USP22: variants seen among roughly 807,000 people sequenced by gnomAD.
USP22 encodes the protein ubiquitin carboxyl-terminal hydrolase 22.
USP22 carries 22 observed loss-of-function variants against 68.1 expected under a neutral mutation model. The ratio of observed to expected loss-of-function variants is 0.32; its 90% confidence interval spans 0.23 to 0.46. USP22 has a LOEUF of 0.46. Ranked by LOEUF, USP22 falls within the 20% of genes least tolerant of loss-of-function variation. The pLI, the probability that USP22 is intolerant of heterozygous loss-of-function variation, is 1.00. For missense variants in USP22, 433 were observed against 695.8 expected, an observed-to-expected ratio of 0.62 and a Z score of 4.25; for synonymous variants, 279 against 274.2, an observed-to-expected ratio of 1.02 and a Z score of -0.17.
chr17:21,008,774 A>G (rs1460816374), intron 8 of USP22, among the ~76,000 whole-genome samples: 3 of 152,092 alleles, frequency 2.0e-5, no homozygotes, highest in Non-Finnish European at 2.9e-5. Flanking sequence ...CAATGATCTC[A>G]ACATAAGCAG....
intron 1 of USP22, among the ~76,000 whole-genome samples, chr17:21,039,476 A>C (rs1234886154): frequency 6.6e-6 from 1 of 151,896 alleles, no homozygotes. Context: ...ACTTGGGAGA[A>C]TCACTTAAAC....
chr17:21,036,085 A>G (rs558545321), intron 1 of USP22, among the ~76,000 whole-genome samples: 2 of 151,846 alleles, frequency 1.3e-5, no homozygotes, highest in Non-Finnish European at 2.9e-5. Flanking sequence ...CTCAATGGAT[A>G]CAATGGATAT....
chr17:21,039,106 C>T (rs1972393983), intron 1 of USP22, among the ~76,000 whole-genome samples: 9 of 151,994 alleles, frequency 5.9e-5, no homozygotes, highest in Non-Finnish European at 2.9e-5. Flanking sequence ...CGCGTGCCAC[C>T]ATGCCCAGCT....
intron 1 of USP22, among the ~76,000 whole-genome samples, chr17:21,041,028 G>T (rs1457771931): frequency 6.6e-6 from 1 of 151,904 alleles, no homozygotes; most frequent in Non-Finnish European, 1.5e-5. Context: ...GGGATTACAG[G>T]CGCCCGCCAT....
At chr17:21,004,818 AAGC>A (rs1913728967) in intron 11 of USP22, 107 bp downstream of exon 11, 1 of 1,215,870 alleles carries the variant, frequency 8.2e-7, no homozygotes, top group Admixed American at 2.2e-5. Context: ...GCCAAGCGGG[AAGC>A]AGGTCAGTGG....
In USP22 at chr17:21,021,083, T is replaced by C. The variant is rs764961818; in HGVS notation, c.418+30A>G. On this transcript the variant is annotated intron_variant, in intron 3 of 12. Transcript: ENST00000261497. ...TGATGGACATGAGGGAACTGCAGGA[T>C]CAAGCAGGTAAACTGAGGTGGAACC... 3.2e-6 allele frequency: 5 copies of C among 1,552,318 alleles called. No homozygotes were observed. The South Asian group carries it at 5.6e-5, about 17-fold the overall frequency.
rs752336394 is a variant in USP22 at position 21,011,209 on chromosome 17, C to T, written c.1045G>A (p.Val349Met). ...WPLSPGSEGN[V>M]VNGESHVSGT... ...GACACGTGGCTTTCCCCGTTTACCA[C>T]GTTGCCCTCGCTCCCTGGGCTCAGG... Residue 349 changes from valine to methionine, a missense_variant, in exon 8 of 13, where the codon GTG becomes ATG. Around this residue, in one of 4 missense-constraint regions of USP22, gnomAD observed 178 missense variants for 351.5 expected, o/e 0.51. Transcript: ENST00000261497. 1.2e-5 allele frequency: 19 copies of T among 1,612,270 alleles called. No individual in the cohort carries two copies. Among genetic ancestry groups the T allele is most frequent in the African/African-American group, 2.7e-5 (2 of 74,874 alleles).
rs1972251094 is a variant in USP22, at chr17:21,028,576, A to G, written c.270T>C (p.Ile90=). 6.2e-7 allele frequency: 1 copy of G among 1,613,940 alleles called. No individual in the cohort carries two copies. Among genetic ancestry groups the G allele is most frequent in the African/African-American group, 1.3e-5 (1 of 74,890 alleles). Residue 90 remains isoleucine (I), a synonymous_variant, in exon 2 of 13, where the codon ATT becomes ATC. Transcript: ENST00000261497. ...GCCGCTTCGCCTTCGCATGCTCGTGAATATGCTTCTTTGTGAAACAGCCGA... is the reference window on the plus strand; with the variant it reads ...GCCGCTTCGCCTTCGCATGCTCGTGGATATGCTTCTTTGTGAAACAGCCGA... The part of the protein sequence containing the change: ...VFFGCFTKKH[I]HEHAKAKRHN...
chr17:21,012,508 A>G (rs1481243285), intron 7 of USP22, among the ~76,000 whole-genome samples: 1 of 152,162 alleles, frequency 6.6e-6, no homozygotes, highest in Non-Finnish European at 1.5e-5. Flanking sequence ...GCCTTCTTGA[A>G]GAGGGCTCTT....
chr17:21,039,360 C>A (rs1972398188), intron 1 of USP22, among the ~76,000 whole-genome samples: 1 of 151,648 alleles, frequency 6.6e-6, no homozygotes, highest in South Asian at 2.1e-4. Flanking sequence ...GGCGGATCAC[C>A]TGAGGTTGGG....
chr17:21,021,456 G>A (rs1469216563), intron 2 of USP22, among the ~76,000 whole-genome samples: 1 of 152,164 alleles, frequency 6.6e-6, no homozygotes, highest in South Asian at 2.1e-4. Context: ...AAAAAACAGA[G>A]GCGACCCATA....
At chr17:21,038,803 T>C (rs763146625) in intron 1 of USP22, among the ~76,000 whole-genome samples, 8 of 152,194 alleles carry the variant, frequency 5.3e-5, no homozygotes, top group East Asian at 1.9e-4. Flanking sequence ...ATTCAAAATA[T>C]AATGTAGAAT....
chr17:21,040,333 G>T (rs1972410434), intron 1 of USP22, among the ~76,000 whole-genome samples: 1 of 152,222 alleles, frequency 6.6e-6, no homozygotes, highest in African/African-American at 2.4e-5. Context: ...ACTAGAGAGT[G>T]CTAGAAATGC....
Position 21,005,643 on chromosome 17 carries a change from G to C in USP22, c.1323-653C>G, listed in dbSNP as rs185570035. Among the ~76,000 whole-genome samples the C allele has an allele frequency of 4.4e-3, 667 of 152,292 alleles. 7 individuals carry two copies. Among genetic ancestry groups the C allele is most frequent in the African/African-American group, 0.015 (632 of 41,542 alleles). Reference sequence around the variant, plus strand: ...CTGACTCTGGTCTTGTTTTATTCAGGAGGTCATCTGTGTGCCACAGGGGTG... The same window carrying C: ...CTGACTCTGGTCTTGTTTTATTCAGCAGGTCATCTGTGTGCCACAGGGGTG... On this transcript the variant is annotated intron_variant, in intron 10 of 12. Coordinates refer to ENST00000261497, the MANE Select transcript of USP22 (RefSeq NM_015276.2).
At chr17:21,023,551 G>A (rs989973245) in intron 2 of USP22, among the ~76,000 whole-genome samples, 1 of 151,216 alleles carries the variant, frequency 6.6e-6, no homozygotes. Context: ...AGGCTTAGGT[G>A]GAAGGATGGC....
intron 10 of USP22, 33 bp downstream of exon 10, chr17:21,006,863 C>A: frequency 1.3e-6 from 2 of 1,537,546 alleles, no homozygotes; most frequent in Admixed American, 2.0e-5. Flanking sequence ...CACAGCCCCT[C>A]AGGACACAGA....
chr17:21,042,620 G>A (rs1972454200), intron 1 of USP22, 45 bp downstream of exon 1: 3 of 1,256,544 alleles, frequency 2.4e-6, no homozygotes, highest in South Asian at 5.6e-5. Flanking sequence ...CCTCAGGAGC[G>A]GCAGAAGGCC....
intron 5 of USP22, among the ~76,000 whole-genome samples, chr17:21,017,073 G>A (rs1218935494): frequency 3.3e-5 from 5 of 152,162 alleles, no homozygotes; most frequent in South Asian, 2.1e-4. Context: ...TGAGGAAATC[G>A]GTTAGGCTCG....
At chr17:21,036,913 C>T (rs1972365477) in intron 1 of USP22, among the ~76,000 whole-genome samples, 1 of 152,090 alleles carries the variant, frequency 6.6e-6, no homozygotes, top group South Asian at 2.1e-4. Context: ...ATTCCATTCT[C>T]CCAAAAAAGA....
Sources: allele counts gnomAD v4.1 joint callset (sites outside exome capture counted in the v4.1 genomes callset), GRCh38; gene constraint gnomAD v4.1.1; regional missense constraint gnomAD v4.1.1; transcripts MANE v1.5; gene names NCBI Gene and HGNC (gene_info 2026-07-23, HGNC 2026-07-21).